DPF3: variants seen among roughly 807,000 people sequenced by gnomAD.
The protein encoded by DPF3 is double PHD fingers 3.
DPF3 carries 18 observed loss-of-function variants against 56.8 expected under a neutral mutation model. The ratio of observed to expected loss-of-function variants is 0.32; its 90% confidence interval spans 0.22 to 0.47. The LOEUF (loss-of-function observed/expected upper bound fraction) is 0.47, where lower values mean the gene tolerates loss of function less well. Among genes scored for constraint, DPF3 ranks in the 20% least tolerant of loss-of-function variants. DPF3 has a pLI of 1.00. For synonymous variants in DPF3, 188 were observed against 180.2 expected (o/e 1.04, Z -0.35); for missense variants, 403 against 488.8 (o/e 0.82, Z 1.65).
At chr14:72,839,668 T>C (rs555154396) in intron 1 of DPF3, among the ~76,000 whole-genome samples, 15 of 152,318 alleles carry the variant, frequency 9.8e-5, no homozygotes, top group Non-Finnish European at 2.1e-4. Context: ...CCCCACTCTC[T>C]TGGGGACAGT....
intron 1 of DPF3, among the ~76,000 whole-genome samples, chr14:72,876,286 G>C (rs1886111792): frequency 6.6e-6 from 1 of 152,178 alleles, no homozygotes; most frequent in Non-Finnish European, 1.5e-5. Context: ...CCCCTGGAAA[G>C]TATCCAAAAT....
chr14:72,761,898 A>G (rs73302139), intron 2 of DPF3, among the ~76,000 whole-genome samples: 3,315 of 151,978 alleles, frequency 0.022, 103 homozygotes, highest in African/African-American at 0.076. Context: ...TACATATATT[A>G]AAAGAGTAAT....
intron 1 of DPF3, among the ~76,000 whole-genome samples, chr14:72,889,714 A>C (rs1886678520): frequency 6.6e-6 from 1 of 151,982 alleles, no homozygotes; most frequent in East Asian, 1.9e-4. Context: ...CATAGAATGC[A>C]CAAAGAGATC....
chr14:72,738,422 A>G (rs1889988758), intron 3 of DPF3, among the ~76,000 whole-genome samples: 1 of 152,076 alleles, frequency 6.6e-6, no homozygotes, highest in Non-Finnish European at 1.5e-5. Context: ...CTCACCCCTA[A>G]GTAGACACGC....
At chr14:72,649,656 T>C (rs1599327626) in intron 8 of DPF3, among the ~76,000 whole-genome samples, 1 of 21,546 alleles carries the variant, frequency 4.6e-5, no homozygotes, top group East Asian at 1.3e-3. Flanking sequence ...CACTCATCCC[T>C]GGGTGGGGGG....
intron 1 of DPF3, among the ~76,000 whole-genome samples, chr14:72,865,660 C>T (rs930995223): frequency 6.6e-6 from 1 of 152,192 alleles, no homozygotes; most frequent in Non-Finnish European, 1.5e-5. Flanking sequence ...CGGCTGAAAC[C>T]ACAGGGGGGT....
chr14:72,644,294 G>A (rs570262220), intron 8 of DPF3, among the ~76,000 whole-genome samples: 4 of 152,282 alleles, frequency 2.6e-5, no homozygotes, highest in East Asian at 1.9e-4. Flanking sequence ...AGGCAGCACC[G>A]GGTCTGCACT....
At chr14:72,868,803 C>T (rs1817092597) in intron 1 of DPF3, among the ~76,000 whole-genome samples, 1 of 152,150 alleles carries the variant, frequency 6.6e-6, no homozygotes, top group Admixed American at 6.5e-5. Context: ...CCTGCATATG[C>T]TCCTATCTCA....
chr14:72,740,547 C>T (rs1430615376), intron 3 of DPF3, among the ~76,000 whole-genome samples: 1 of 152,144 alleles, frequency 6.6e-6, no homozygotes, highest in African/African-American at 2.4e-5. Flanking sequence ...GGCTTCCCCA[C>T]CAGTGAACCA....
intron 8 of DPF3, among the ~76,000 whole-genome samples, chr14:72,642,879 C>G (rs541748562): frequency 2.8e-4 from 42 of 152,314 alleles, no homozygotes; most frequent in Non-Finnish European, 5.3e-4. Context: ...AGTATTCTGG[C>G]CTAAAGAAAG....
At chr14:72,798,405 G>A (rs954834866) in intron 1 of DPF3, among the ~76,000 whole-genome samples, 34 of 151,560 alleles carry the variant, frequency 2.2e-4, no homozygotes, top group African/African-American at 8.2e-4. Flanking sequence ...CTGTATCCCA[G>A]TAGCCATATT....
intron 1 of DPF3, among the ~76,000 whole-genome samples, chr14:72,874,432 T>C (rs1886029395): frequency 1.3e-5 from 2 of 150,950 alleles, no homozygotes; most frequent in Admixed American, 6.6e-5. Flanking sequence ...TGAGCCAAGA[T>C]CCTGACACTG....
chr14:72,662,317 T>TATAA, intron 8 of DPF3: 3 of 984,994 alleles, frequency 3.0e-6, no homozygotes, highest in Non-Finnish European at 3.6e-6. Flanking sequence ...ATATGCAGTC[T>TATAA]TTTATTTTAC....
chr14:72,817,789 A>G (rs1883353977), intron 1 of DPF3, among the ~76,000 whole-genome samples: 1 of 152,240 alleles, frequency 6.6e-6, no homozygotes. Context: ...CTACATAGCA[A>G]TGGAGTAAAT....
chr14:72,653,404 G>A lies in DPF3; in HGVS notation c.871+20836C>T, dbSNP rs148684437. ...ACCTCTTTCGGCCTCAGGGGCCAGC[G>A]AGGAGCCTACCGACAAGGTGAGGTG... On this transcript the variant is annotated intron_variant, in intron 8 of 10. Coordinates refer to ENST00000556509, the MANE Select transcript of DPF3 (RefSeq NM_001280542.3). 3.7e-3 allele frequency among the ~76,000 whole-genome samples: 568 copies of A among 152,328 alleles called. 3 individuals carry two copies. Among genetic ancestry groups the A allele is most frequent in the Middle Eastern group, 6.8e-3 (2 of 294 alleles).
intron 1 of DPF3, among the ~76,000 whole-genome samples, chr14:72,867,568 G>A (rs17182000): frequency 0.064 from 9,809 of 152,172 alleles, 450 homozygotes; most frequent in Non-Finnish European, 0.095. Context: ...CTCCTCTAAG[G>A]TGTTTCATTC....
chr14:72,688,986 T>C (rs1887552795), intron 7 of DPF3, among the ~76,000 whole-genome samples: 1 of 151,942 alleles, frequency 6.6e-6, no homozygotes, highest in South Asian at 2.1e-4. Context: ...AAGAAATGTA[T>C]ACTCAGGAGA....
intron 6 of DPF3, among the ~76,000 whole-genome samples, chr14:72,702,223 C>T (rs544758981): frequency 1.1e-4 from 17 of 152,224 alleles, no homozygotes. Flanking sequence ...CTGCTTCACC[C>T]ATGCTCCCTT....
chr14:72,773,725 CT>C, intron 1 of DPF3: 2 of 428,144 alleles, frequency 4.7e-6, no homozygotes, highest in Non-Finnish European at 9.2e-6. Flanking sequence ...CAGTATTTGT[CT>C]TTTTGTGACT....
Sources: allele counts gnomAD v4.1 joint callset (sites outside exome capture counted in the v4.1 genomes callset), GRCh38; gene constraint gnomAD v4.1.1; transcripts MANE v1.5; gene names NCBI Gene and HGNC (gene_info 2026-07-23, HGNC 2026-07-21).